Variants in NUP214 observed in about 807,000 individuals in gnomAD.
NUP214 encodes the protein nucleoporin 214, also known as nuclear pore complex protein Nup214.
In NUP214, 79 loss-of-function variants were observed where a neutral mutation model predicts 196.2. That is an observed-to-expected ratio of 0.40 (90% CI 0.34 to 0.49). NUP214 has a LOEUF of 0.49. Ranked by LOEUF, NUP214 falls within the 20% of genes least tolerant of loss-of-function variation. NUP214 has a pLI of 0.58. For synonymous variants in NUP214, 1,020 were observed against 990.5 expected, an observed-to-expected ratio of 1.03 and a Z score of -0.56; for missense variants, 2,468 against 2,539.0, an observed-to-expected ratio of 0.97 and a Z score of 0.60.
At chr9:131,170,535 T>G (rs1318013786) in intron 21 of NUP214, among the ~76,000 whole-genome samples, 1 of 152,216 alleles carries the variant, frequency 6.6e-6, no homozygotes, top group Non-Finnish European at 1.5e-5. Flanking sequence ...TTTGTTAGAT[T>G]AATTGCTAAA....
At position 131,197,922 on chromosome 9, in the gene NUP214, C is replaced by T. The variant is rs746855248; in HGVS notation, c.4428C>T (p.Leu1476=). ...TCCCCACATTGTCATTTGGTAGCCT[C>T]CTGAGTTCAGCAACTACCCCCTCCC... is the stretch of plus-strand genomic sequence containing the variant. ...TSFPTLSFGS[L]LSSATTPSLP... is the part of the protein sequence containing the mutation. The change falls in exon 29 of 36, where the codon CTC becomes CTT. Residue 1476 remains leucine (L), a synonymous_variant. Coordinates refer to ENST00000359428, the MANE Select transcript of NUP214 (RefSeq NM_005085.4). 7.4e-6 allele frequency: 12 copies of T among 1,614,062 alleles called. No homozygotes were observed. Among genetic ancestry groups the T allele is most frequent in the Non-Finnish European group, 8.5e-6 (10 of 1,180,044 alleles).
intron 30 of NUP214, among the ~76,000 whole-genome samples, chr9:131,205,103 A>G (rs1228788024): frequency 1.3e-5 from 2 of 152,212 alleles, no homozygotes; most frequent in African/African-American, 4.8e-5. Flanking sequence ...TCTGGGCGAC[A>G]GAGCAAGACT....
intron 24 of NUP214, among the ~76,000 whole-genome samples, chr9:131,186,552 G>A (rs1049490617): frequency 6.6e-6 from 1 of 152,088 alleles, no homozygotes; most frequent in Non-Finnish European, 1.5e-5. Flanking sequence ...AGTAGCGCTG[G>A]GCTGACAACA....
intron 24 of NUP214, among the ~76,000 whole-genome samples, chr9:131,183,352 TG>T (rs1345531342): frequency 4.6e-5 from 7 of 152,260 alleles, no homozygotes; most frequent in African/African-American, 1.7e-4. Context: ...CCCAAAGTGC[TG>T]GGATTACAGG....
At chr9:131,161,787 T>G (rs1832643979) in intron 18 of NUP214, among the ~76,000 whole-genome samples, 1 of 152,230 alleles carries the variant, frequency 6.6e-6, no homozygotes, top group Admixed American at 6.5e-5. Context: ...TGTCATTATA[T>G]GATCATCACA....
At chr9:131,179,918 A>G (rs1026346841) in intron 24 of NUP214, among the ~76,000 whole-genome samples, 33 of 152,246 alleles carry the variant, frequency 2.2e-4, no homozygotes, top group African/African-American at 7.5e-4. Context: ...CCAGATTCCC[A>G]GCATAGGGAA....
At chr9:131,168,516 T>C (rs1183380987) in intron 21 of NUP214, among the ~76,000 whole-genome samples, 1 of 152,228 alleles carries the variant, frequency 6.6e-6, no homozygotes, top group Non-Finnish European at 1.5e-5. Context: ...CAGTCAATTC[T>C]TGTTCTACCC....
chr9:131,148,650 T>C (rs552474984), intron 14 of NUP214, among the ~76,000 whole-genome samples: 60 of 152,342 alleles, frequency 3.9e-4, no homozygotes, highest in African/African-American at 1.3e-3. Flanking sequence ...TTAGCAAAAT[T>C]AAGCTTTTTA....
Position 131,125,917 on chromosome 9 carries a change from C to T in NUP214, c.45+168C>T. 2.6e-6 allele frequency: 2 copies of T among 780,796 alleles called. No individual in the cohort carries two copies. Among genetic ancestry groups the T allele is most frequent in the Non-Finnish European group, 4.2e-6 (2 of 479,632 alleles). The allele number at this position is 780,796 out of a possible 1,614,324, so 48.4% of individuals were successfully genotyped here. A position where few individuals can be genotyped will look rare whatever the true frequency, so the allele number is the denominator to read the frequency against. On this transcript the variant is annotated intron_variant, in intron 1 of 35. Transcript: ENST00000359428. The surrounding 1 kb of genome is among the most constrained non-coding windows in gnomAD (Gnocchi z 4.1). ...CCGCGCCGCTGGCGTGATAGCCCCA[C>T]CGAATGCAGTTTCCCAGTCCCATCC...
At chr9:131,218,053 G>A (rs1468643567) in intron 31 of NUP214, among the ~76,000 whole-genome samples, 2 of 152,166 alleles carry the variant, frequency 1.3e-5, no homozygotes, top group African/African-American at 4.8e-5. Context: ...CTGGTTTAAA[G>A]TAAACACATA....
intron 28 of NUP214, chr9:131,195,610 A>G (rs1324211867): frequency 3.5e-6 from 1 of 287,472 alleles, no homozygotes; most frequent in African/African-American, 2.2e-5. Flanking sequence ...TTCAATTTAT[A>G]GGGTGATTCT....
At chr9:131,171,671 T>G (rs1355379936) in intron 21 of NUP214, among the ~76,000 whole-genome samples, 4 of 152,000 alleles carry the variant, frequency 2.6e-5, no homozygotes, top group Non-Finnish European at 5.9e-5. Flanking sequence ...TCATTTAGCC[T>G]TAGGTATATC....
At chr9:131,163,772 T>G (rs1832710269) in intron 19 of NUP214, 98 bp from the exon 20 acceptor site, 5 of 810,600 alleles carry the variant, frequency 6.2e-6, no homozygotes, top group Non-Finnish European at 1.0e-5. Flanking sequence ...GGGGATATTC[T>G]CATGTCTTGC....
At chr9:131,214,198 A>G (rs935246941) in intron 30 of NUP214, among the ~76,000 whole-genome samples, 1 of 152,196 alleles carries the variant, frequency 6.6e-6, no homozygotes, top group East Asian at 1.9e-4. Flanking sequence ...GTAGAGATTA[A>G]GTGATTACTT....
At chr9:131,192,166 A>ATGC in intron 26 of NUP214, 42 bp from the exon 27 acceptor site, 1 of 725,708 alleles carries the variant, frequency 1.4e-6, no homozygotes, top group Non-Finnish European at 1.9e-6. Context: ...TTTTTGTAAT[A>ATGC]TTCTTTTTTT....
At chr9:131,230,810 C>T (rs1834854433) in intron 34 of NUP214, 41 bp downstream of exon 34, 1 of 1,594,942 alleles carries the variant, frequency 6.3e-7, no homozygotes, top group South Asian at 1.1e-5. Context: ...CAAAATGGGT[C>T]CCTCTTGCCT....
rs1832030689 is a variant in NUP214, at chr9:131,144,651, A to G, written c.1666A>G (p.Thr556Ala). 1 of 1,614,000 alleles carries G rather than the reference A, an allele frequency of 6.2e-7. No individual in the cohort carries two copies. The highest frequency in any genetic ancestry group is 1.7e-5 in the Admixed American group (1 of 59,990). The change falls in exon 12 of 36, where the codon ACC becomes GCC. Residue 556 changes from threonine to alanine, a missense_variant. Thr to Ala is a moderately conservative substitution (Grantham distance 58). Around this residue, in one of 5 missense-constraint regions of NUP214, gnomAD observed 1,801 missense variants for 1,779.4 expected, o/e 1.01. Coordinates refer to ENST00000359428, the MANE Select transcript of NUP214 (RefSeq NM_005085.4). ...CTTTGGATCATCTGGTTTTAAGCCT[A>G]CCCTGGAAAGCACACCAGTGCCAAG... ...FSFGSSGFKP[T>A]LESTPVPSVS...
At position 131,202,914 on chromosome 9, in the gene NUP214, TTTTA is replaced by T. The variant is rs537913350; in HGVS notation, c.5592+1215_5592+1218del. 7.9e-5 allele frequency among the ~76,000 whole-genome samples: 12 copies of T among 151,210 alleles called. No individual in the cohort carries two copies. The East Asian group carries it at 1.9e-3, about 24-fold the overall frequency. On this transcript the variant is annotated intron_variant, in intron 30 of 35. Coordinates refer to ENST00000359428, the MANE Select transcript of NUP214 (RefSeq NM_005085.4). ...TATGTGCCAGGCATAATTTTAAGTCTTTTATTTATTTATTTATTTATATTTATTT... is the reference window on the plus strand; with the variant it reads ...TATGTGCCAGGCATAATTTTAAGTCTTTTATTTATTTATTTATATTTATTT...
intron 32 of NUP214, among the ~76,000 whole-genome samples, chr9:131,224,323 C>A (rs1178207861): frequency 6.6e-6 from 1 of 151,680 alleles, no homozygotes; most frequent in Non-Finnish European, 1.5e-5. Context: ...CACCCTGTTT[C>A]TGTCTCTGAG....
Sources: allele counts gnomAD v4.1 joint callset (sites outside exome capture counted in the v4.1 genomes callset), GRCh38; gene constraint gnomAD v4.1.1; regional missense constraint gnomAD v4.1.1; non-coding constraint Gnocchi (gnomAD v3.1); transcripts MANE v1.5; gene names NCBI Gene and HGNC (gene_info 2026-07-23, HGNC 2026-07-21).